The following SEMA6A variants were observed in gnomAD, a reference collection of about 807,000 sequenced individuals.
SEMA6A encodes semaphorin-6A.
A neutral mutation model predicts 96.8 loss-of-function variants in SEMA6A; 25 were observed. That is an observed-to-expected ratio of 0.26 (90% CI 0.19 to 0.36). The LOEUF is 0.36. Among genes scored for constraint, SEMA6A ranks in the 10% least tolerant of loss-of-function variants. The pLI is 1.00. For missense variants in SEMA6A, 1,363 were observed against 1,323.1 expected (o/e 1.03, Z -0.47); for synonymous variants, 612 against 518.0 (o/e 1.18, Z -2.46).
chr5:116,466,759 T>C (rs552525511), intron 18 of SEMA6A, among the ~76,000 whole-genome samples: 1 of 152,136 alleles, frequency 6.6e-6, no homozygotes, highest in Non-Finnish European at 1.5e-5. Flanking sequence ...CAATTCTGAA[T>C]GGGGAGAAAC....
At chr5:116,567,308 G>C (rs1164169914) in intron 1 of SEMA6A, among the ~76,000 whole-genome samples, 1 of 151,966 alleles carries the variant, frequency 6.6e-6, no homozygotes, top group Non-Finnish European at 1.5e-5. Flanking sequence ...ATGAATGTTT[G>C]TTTCTAGTCC....
chr5:116,467,617 C>G lies in SEMA6A; in HGVS notation c.1860G>C (p.Gly620=), dbSNP rs748540813. Residue 620 remains glycine (G), a synonymous_variant, in exon 18 of 19, where the codon GGG becomes GGC. Coordinates refer to ENST00000343348, the MANE Select transcript of SEMA6A (RefSeq NM_020796.5). ...LDSPDSTDPL[G]AVSSHNHQDK... ...CTTGGTGATTATGGGAAGACACTGC[C>G]CCCAAAGGGTCTGTGCTGTCAGGTG... 2.5e-6 allele frequency: 4 copies of G among 1,613,360 alleles called. No homozygotes were observed. The highest frequency in any genetic ancestry group is 1.7e-6 in the Non-Finnish European group (2 of 1,179,704).
Position 116,447,709 on chromosome 5 carries a change from G to A in SEMA6A, c.1997C>T (p.Ser666Leu), listed in dbSNP as rs781307625. 1.2e-6 allele frequency: 2 copies of A among 1,613,910 alleles called. No homozygotes were observed. The highest frequency in any genetic ancestry group is 1.1e-5 in the South Asian group (1 of 91,072). The change falls in exon 19 of 19, where the codon TCG becomes TTG. Residue 666 changes from serine to leucine, a missense_variant. This residue lies in a region of SEMA6A where 883 missense variants were observed against 763.6 expected (regional missense o/e 1.16). Transcript: ENST00000343348. ...ILAFVMGAVFSGITVYCVCDH... is the reference protein window; with the variant it reads ...ILAFVMGAVFLGITVYCVCDH... Reference sequence around the variant, plus strand: ...ACAGACGCAGTAGACGGTGATGCCCGAGAAGACGGCCCCCATGACGAAAGC... The same window carrying A: ...ACAGACGCAGTAGACGGTGATGCCCAAGAAGACGGCCCCCATGACGAAAGC...
intron 1 of SEMA6A, among the ~76,000 whole-genome samples, chr5:116,570,207 C>T (rs1228167282): frequency 1.3e-5 from 2 of 152,192 alleles, no homozygotes; most frequent in African/African-American, 4.8e-5. Flanking sequence ...ACCATATCCC[C>T]AAGAGGCAAC....
intron 11 of SEMA6A, 110 bp downstream of exon 11, chr5:116,482,334 T>A (rs1211720579): frequency 8.3e-7 from 1 of 1,210,356 alleles, no homozygotes; most frequent in Non-Finnish European, 1.2e-6. Context: ...GGCAATCTGC[T>A]TGGCTGGCAT....
chr5:116,472,860 A>T lies in SEMA6A; in HGVS notation c.1729+213T>A, dbSNP rs781679530. The stretch of plus-strand genomic sequence containing the variant: ...GATGAATGACTTCACGAATTTAAAA[A>T]AAAAAAAAAAATCCGTAAACTGACC... On this transcript the variant is annotated intron_variant, in intron 17 of 18. Transcript: ENST00000343348. The T allele has an allele frequency of 2.8e-5, 42 of 1,478,914 alleles. No homozygotes were observed. The Admixed American group carries it at 6.3e-4, about 22-fold the overall frequency. 91.6% of individuals were successfully genotyped at this position (1,478,914 alleles called of 1,614,324 possible).
intron 15 of SEMA6A, 30 bp from the exon 16 acceptor site, chr5:116,475,633 G>A (rs766706181): frequency 1.3e-6 from 2 of 1,520,230 alleles, no homozygotes; most frequent in South Asian, 1.2e-5. Context: ...AAGAGAGACA[G>A]AAATGAATAC....
chr5:116,464,735 G>A (rs1025761817), intron 18 of SEMA6A, among the ~76,000 whole-genome samples: 9 of 152,114 alleles, frequency 5.9e-5, no homozygotes, highest in Non-Finnish European at 1.2e-4. Flanking sequence ...AAATCAAGAC[G>A]AAAGACATAG....
chr5:116,476,672 C>G (rs1463844576), intron 15 of SEMA6A, among the ~76,000 whole-genome samples: 1 of 152,136 alleles, frequency 6.6e-6, no homozygotes, highest in East Asian at 1.9e-4. Flanking sequence ...TTTTAAAATT[C>G]AGTCTTATAG....
intron 1 of SEMA6A, among the ~76,000 whole-genome samples, chr5:116,505,404 G>A (rs1391201412): frequency 1.3e-5 from 2 of 151,528 alleles, no homozygotes; most frequent in Non-Finnish European, 2.9e-5. Context: ...TGACCTAAAT[G>A]ACAGTTTCCC....
chr5:116,480,948 G>A (rs1756729527), intron 11 of SEMA6A, among the ~76,000 whole-genome samples: 1 of 152,102 alleles, frequency 6.6e-6, no homozygotes, highest in East Asian at 1.9e-4. Context: ...AGGAGTCAAG[G>A]GTCATCCCAG....
At chr5:116,571,874 C>A (rs187254342) in intron 1 of SEMA6A, among the ~76,000 whole-genome samples, 57 of 152,160 alleles carry the variant, frequency 3.7e-4, no homozygotes, top group African/African-American at 1.3e-3. Context: ...CATTTGGGTA[C>A]GGTATAAAAA....
intron 16 of SEMA6A, among the ~76,000 whole-genome samples, chr5:116,474,273 C>CGCAT (rs1249427132): frequency 9.5e-5 from 13 of 136,468 alleles, no homozygotes; most frequent in Non-Finnish European, 1.7e-4. Context: ...AAAGCGTGCA[C>CGCAT]GCATGCACAC....
At chr5:116,454,462 A>C (rs1444609064) in intron 18 of SEMA6A, among the ~76,000 whole-genome samples, 2 of 152,176 alleles carry the variant, frequency 1.3e-5, no homozygotes, top group Non-Finnish European at 2.9e-5. Context: ...CGGTCCTGCA[A>C]GACAGTATAA....
intron 7 of SEMA6A, among the ~76,000 whole-genome samples, chr5:116,489,476 G>C (rs571529102): frequency 6.6e-6 from 1 of 152,306 alleles, no homozygotes; most frequent in South Asian, 2.1e-4. Context: ...TCAGGTGAGA[G>C]AAGTTGAAGA....
At chr5:116,554,398 C>T (rs1348583937) in intron 1 of SEMA6A, among the ~76,000 whole-genome samples, 1 of 152,164 alleles carries the variant, frequency 6.6e-6, no homozygotes, top group Non-Finnish European at 1.5e-5. Flanking sequence ...CATAGTCAAA[C>T]CAGTTTGCCC....
chr5:116,524,967 A>C (rs1390323558), intron 1 of SEMA6A, among the ~76,000 whole-genome samples: 2 of 152,112 alleles, frequency 1.3e-5, no homozygotes, highest in Admixed American at 1.3e-4. Flanking sequence ...CATTTTTCTT[A>C]TCTTGTTTTT....
intron 1 of SEMA6A, among the ~76,000 whole-genome samples, chr5:116,541,582 C>T (rs1288087658): frequency 1.3e-5 from 2 of 152,152 alleles, no homozygotes; most frequent in Non-Finnish European, 2.9e-5. Context: ...CCTGTAATCC[C>T]AGCACTTTGG....
At chr5:116,470,425 A>G (rs1358817162) in intron 17 of SEMA6A, among the ~76,000 whole-genome samples, 1 of 152,230 alleles carries the variant, frequency 6.6e-6, no homozygotes, top group Non-Finnish European at 1.5e-5. Flanking sequence ...CTTATGCTTT[A>G]TCATTCTCAT....
Sources: allele counts gnomAD v4.1 joint callset (sites outside exome capture counted in the v4.1 genomes callset), GRCh38; gene constraint gnomAD v4.1.1; regional missense constraint gnomAD v4.1.1; transcripts MANE v1.5; gene names NCBI Gene and HGNC (gene_info 2026-07-23, HGNC 2026-07-21).